The following TEK variants were observed in gnomAD, a reference collection of about 807,000 sequenced individuals.
The protein encoded by TEK is TEK receptor tyrosine kinase.
TEK carries 43 observed loss-of-function variants against 131.8 expected under a neutral mutation model. The ratio of observed to expected loss-of-function variants is 0.33; its 90% CI spans 0.26 to 0.42. The LOEUF (loss-of-function observed/expected upper bound fraction) is 0.42. TEK is among the 10% of genes least tolerant of loss of function. The probability of loss-of-function intolerance (pLI) is 1.00; values close to 1 mark genes in which losing one functional copy is unlikely to be tolerated. For missense variants in TEK, 1,162 were observed against 1,384.4 expected, an observed-to-expected ratio of 0.84 and a Z score of 2.55; for synonymous variants, 580 against 491.6, an observed-to-expected ratio of 1.18 and a Z score of -2.38.
intron 1 of TEK, among the ~76,000 whole-genome samples, chr9:27,144,863 G>A (rs1372605726): frequency 6.6e-6 from 1 of 152,172 alleles, no homozygotes; most frequent in Non-Finnish European, 1.5e-5. Context: ...CGAGAGGGAA[G>A]AAAAGCAACA....
At chr9:27,182,032 T>TA (rs1215029715) in intron 7 of TEK, among the ~76,000 whole-genome samples, 1 of 152,184 alleles carries the variant, frequency 6.6e-6, no homozygotes, top group African/African-American at 2.4e-5. Flanking sequence ...TGGACTTTAC[T>TA]ACAGGGCAGG....
At chr9:27,217,632 A>G in intron 18 of TEK, 56 bp from the exon 19 acceptor site, 1 of 1,519,552 alleles carries the variant, frequency 6.6e-7, no homozygotes, top group Non-Finnish European at 9.1e-7. Flanking sequence ...AGGCAGGCTG[A>G]GAGCCTCTTA....
chr9:27,114,327 C>T (rs567342839), intron 1 of TEK, among the ~76,000 whole-genome samples: 3 of 152,266 alleles, frequency 2.0e-5, no homozygotes, highest in African/African-American at 7.2e-5. Context: ...AATCCCAGCA[C>T]TTTGGGAGGC....
chr9:27,210,900 C>A (rs1825588154), intron 16 of TEK, among the ~76,000 whole-genome samples: 1 of 152,106 alleles, frequency 6.6e-6, no homozygotes, highest in African/African-American at 2.4e-5. Flanking sequence ...AGGCAGATCA[C>A]AAGGTCAAGA....
At chr9:27,182,887 T>G (rs564428241) in intron 7 of TEK, among the ~76,000 whole-genome samples, 32 of 152,204 alleles carry the variant, frequency 2.1e-4, no homozygotes, top group Non-Finnish European at 4.1e-4. Context: ...GGAAGTTATA[T>G]TTCACTTCTT....
chr9:27,201,011 TG>T (rs1357023258), intron 12 of TEK, among the ~76,000 whole-genome samples: 1 of 152,214 alleles, frequency 6.6e-6, no homozygotes, highest in Non-Finnish European at 1.5e-5. Context: ...TCTCTTTGGA[TG>T]GGCGACCCAC....
chr9:27,149,828 A>G (rs1823060403), intron 1 of TEK, among the ~76,000 whole-genome samples: 1 of 152,174 alleles, frequency 6.6e-6, no homozygotes. Flanking sequence ...TAATTGAATC[A>G]GGAGAAGAGC....
chr9:27,174,878 C>T (rs1824103641), intron 6 of TEK, among the ~76,000 whole-genome samples: 1 of 151,972 alleles, frequency 6.6e-6, no homozygotes, highest in African/African-American at 2.4e-5. Context: ...TTTGCTAGGA[C>T]CCAGGAAGCG....
intron 1 of TEK, among the ~76,000 whole-genome samples, chr9:27,117,093 C>G (rs891678591): frequency 6.6e-6 from 1 of 151,960 alleles, no homozygotes; most frequent in Non-Finnish European, 1.5e-5. Flanking sequence ...TCTCGATCTC[C>G]TGACCTAGTG....
At chr9:27,220,281 C>A in intron 21 of TEK, 136 bp downstream of exon 21, 1 of 747,482 alleles carries the variant, frequency 1.3e-6, no homozygotes, top group Non-Finnish European at 2.4e-6. Context: ...AATAGGAACC[C>A]CTCCCCTTTT....
intron 13 of TEK, among the ~76,000 whole-genome samples, chr9:27,204,129 C>G (rs557930326): frequency 6.6e-6 from 1 of 152,186 alleles, no homozygotes; most frequent in African/African-American, 2.4e-5. Context: ...ACTTTTAAAA[C>G]AAGACAAAAC....
chr9:27,216,001 G>T (rs766302941), intron 18 of TEK, among the ~76,000 whole-genome samples: 1 of 152,154 alleles, frequency 6.6e-6, no homozygotes, highest in African/African-American at 2.4e-5. Flanking sequence ...AGAGGAAAAG[G>T]AAAGCATGAA....
At chr9:27,178,304 G>T (rs990680747) in intron 6 of TEK, among the ~76,000 whole-genome samples, 1 of 151,898 alleles carries the variant, frequency 6.6e-6, no homozygotes, top group African/African-American at 2.4e-5. Context: ...TGTCAATTCT[G>T]TTCCGTTGGT....
chr9:27,169,745 G>T (rs1670457337), intron 4 of TEK, 116 bp downstream of exon 4: 1 of 1,417,748 alleles, frequency 7.1e-7, no homozygotes, highest in Non-Finnish European at 9.8e-7. Context: ...GGCATTGGTT[G>T]GAGGTTGTAT....
chr9:27,152,597 C>T (rs539833609), intron 1 of TEK, among the ~76,000 whole-genome samples: 4 of 136,788 alleles, frequency 2.9e-5, no homozygotes, highest in Admixed American at 7.1e-5. Context: ...GAAGCCCCCC[C>T]GCCGCAAAAA....
intron 1 of TEK, among the ~76,000 whole-genome samples, chr9:27,143,907 T>C (rs1405672815): frequency 2.6e-5 from 4 of 152,204 alleles, no homozygotes; most frequent in Non-Finnish European, 5.9e-5. Context: ...TCTTGAAGGC[T>C]GAGCAGGAGT....
intron 15 of TEK, among the ~76,000 whole-genome samples, chr9:27,208,143 C>G (rs1825466872): frequency 6.6e-6 from 1 of 152,158 alleles, no homozygotes; most frequent in Non-Finnish European, 1.5e-5. Flanking sequence ...AGGGCAGTTA[C>G]TGAAGTGGAC....
At chr9:27,110,634 C>T (rs2782418) in intron 1 of TEK, among the ~76,000 whole-genome samples, 143,363 of 152,258 alleles carry the variant, frequency 0.94, 68,032 homozygotes, top group East Asian at 1. Context: ...TAATTTGATT[C>T]GAGTATACAT....
chr9:27,221,217 C>G (rs1826062758), intron 21 of TEK, among the ~76,000 whole-genome samples: 1 of 152,218 alleles, frequency 6.6e-6, no homozygotes, highest in Non-Finnish European at 1.5e-5. Context: ...GACTGCCTCT[C>G]TAGATTCTTT....
Sources: allele counts gnomAD v4.1 joint callset (sites outside exome capture counted in the v4.1 genomes callset), GRCh38; gene constraint gnomAD v4.1.1; transcripts MANE v1.5; gene names NCBI Gene and HGNC (gene_info 2026-07-23, HGNC 2026-07-21).